The following GRM8 variants were observed in gnomAD, a reference collection of about 807,000 sequenced individuals.
The protein encoded by GRM8 is metabotropic glutamate receptor 8.
GRM8 carries 47 observed loss-of-function variants against 87.2 expected under a neutral mutation model. The observed-to-expected ratio is 0.54, with a 90% CI of 0.43 to 0.69. The LOEUF is 0.69. GRM8 is among the 30% of genes least tolerant of loss of function. The pLI is 0.00. For missense variants in GRM8, 1,019 were observed against 1,139.2 expected (o/e 0.89, Z 1.52); for synonymous variants, 396 against 404.5 (o/e 0.98, Z 0.25).
chr7:127,063,566 ACT>A (rs1339865678), intron 3 of GRM8, among the ~76,000 whole-genome samples: 1 of 152,004 alleles, frequency 6.6e-6, no homozygotes, highest in Non-Finnish European at 1.5e-5. Flanking sequence ...ACACAGTAAG[ACT>A]CTGTCTCAAA....
In GRM8 at chr7:127,232,899, G is replaced by A. The variant is rs754095194; in HGVS notation, c.510+9796C>T. ...GTTACCCAGGCTGGAGTGCAGTGGC[G>A]CGATCTTGGCTCACTGCAACCTCTG... On this transcript the variant is annotated intron_variant, in intron 2 of 10. Transcript: ENST00000339582. 9.9e-5 allele frequency among the ~76,000 whole-genome samples: 15 copies of A among 152,088 alleles called. No homozygotes were observed. The South Asian group carries it at 1.7e-3, about 17-fold the overall frequency.
chr7:127,066,808 C>T (rs1371063377), intron 3 of GRM8, among the ~76,000 whole-genome samples: 1 of 152,170 alleles, frequency 6.6e-6, no homozygotes, highest in East Asian at 1.9e-4. Context: ...CTACCCTTCC[C>T]AGCCTTTGCT....
At chr7:126,722,893 A>ATATATATATAT (rs949950055) in intron 7 of GRM8, among the ~76,000 whole-genome samples, 2 of 83,440 alleles carry the variant, frequency 2.4e-5, no homozygotes, top group African/African-American at 6.6e-5. Flanking sequence ...CCTGTGAAAA[A>ATATATATATAT]AAATATATAT....
At chr7:127,106,456 G>C in intron 3 of GRM8, 40 bp downstream of exon 3, 2 of 1,512,640 alleles carry the variant, frequency 1.3e-6, no homozygotes, top group Non-Finnish European at 1.8e-6. Context: ...TCAGCAATCT[G>C]TCACCTCCAA....
chr7:126,625,462 T>C (rs1031553968), intron 7 of GRM8, among the ~76,000 whole-genome samples: 4 of 152,080 alleles, frequency 2.6e-5, no homozygotes, highest in African/African-American at 9.7e-5. Context: ...AGAAATGTAG[T>C]TGAATAGCAT....
At chr7:126,687,797 T>C (rs1384892592) in intron 7 of GRM8, among the ~76,000 whole-genome samples, 1 of 151,918 alleles carries the variant, frequency 6.6e-6, no homozygotes, top group Admixed American at 6.6e-5. Context: ...TATAGACAGA[T>C]GTTGCTATCT....
chr7:126,547,494 T>C (rs901900459), intron 8 of GRM8, among the ~76,000 whole-genome samples: 1 of 151,864 alleles, frequency 6.6e-6, no homozygotes, highest in Non-Finnish European at 1.5e-5. Context: ...TTATTATTCA[T>C]AATAAATTAT....
chr7:126,470,947 A>T (rs376742314), intron 9 of GRM8, among the ~76,000 whole-genome samples: 35 of 151,714 alleles, frequency 2.3e-4, no homozygotes, highest in African/African-American at 7.5e-4. Context: ...GCCAGTGATG[A>T]TGAGCATTTT....
chr7:126,797,487 T>TTTACCATG (rs1420983782), intron 6 of GRM8, among the ~76,000 whole-genome samples: 2 of 152,102 alleles, frequency 1.3e-5, no homozygotes, highest in Non-Finnish European at 2.9e-5. Context: ...ATTTTGGATT[T>TTTACCATG]CTCTAAATAC....
At chr7:126,777,139 A>C (rs982428287) in intron 6 of GRM8, among the ~76,000 whole-genome samples, 3 of 152,116 alleles carry the variant, frequency 2.0e-5, no homozygotes, top group African/African-American at 4.8e-5. Flanking sequence ...GCCATTGAAC[A>C]AATCTGGTTC....
chr7:126,613,877 C>T (rs371508504), intron 7 of GRM8, among the ~76,000 whole-genome samples: 25 of 152,300 alleles, frequency 1.6e-4, no homozygotes, highest in African/African-American at 4.6e-4. Flanking sequence ...CAAAGCAGCC[C>T]GGATTCCCTC....
At chr7:126,447,808 A>C (rs976348678) in intron 9 of GRM8, among the ~76,000 whole-genome samples, 5 of 151,928 alleles carry the variant, frequency 3.3e-5, no homozygotes, top group African/African-American at 1.2e-4. Flanking sequence ...TACCATGCAC[A>C]CTGCTGAATT....
intron 6 of GRM8, among the ~76,000 whole-genome samples, chr7:126,831,513 G>GA (rs1054128510): frequency 6.6e-6 from 1 of 152,214 alleles, no homozygotes; most frequent in African/African-American, 2.4e-5. Context: ...CCATGTGTGG[G>GA]ATATAATCTC....
intron 6 of GRM8, among the ~76,000 whole-genome samples, chr7:126,901,328 G>A (rs1446550419): frequency 6.6e-6 from 1 of 152,050 alleles, no homozygotes; most frequent in Non-Finnish European, 1.5e-5. Context: ...CTAATACCCA[G>A]GTTAGTCTTT....
chr7:126,907,615 A>C (rs191664739), intron 3 of GRM8, among the ~76,000 whole-genome samples: 1 of 152,148 alleles, frequency 6.6e-6, no homozygotes, highest in Non-Finnish European at 1.5e-5. Flanking sequence ...GTGGCTCTGC[A>C]GGGCCTGTGG....
chr7:127,150,927 G>C (rs943200011), intron 2 of GRM8, among the ~76,000 whole-genome samples: 1 of 152,090 alleles, frequency 6.6e-6, no homozygotes, highest in African/African-American at 2.4e-5. Context: ...ATCATGGTGA[G>C]TCTATGAAAT....
intron 6 of GRM8, among the ~76,000 whole-genome samples, chr7:126,861,855 A>G (rs1798165151): frequency 6.6e-6 from 1 of 151,930 alleles, no homozygotes; most frequent in Non-Finnish European, 1.5e-5. Context: ...TAACACAATT[A>G]TCATTTTTTG....
At position 127,018,532 on chromosome 7, in the gene GRM8, C is replaced by T. The variant is rs116332888; in HGVS notation, c.727+87964G>A. On this transcript the variant is annotated intron_variant, in intron 3 of 10. Transcript: ENST00000339582. Reference sequence around the variant, plus strand: ...CAGGGTGGACACTGCTAACTTGTTACCCAATACACATTCACCAGTTCTACC... The same window carrying T: ...CAGGGTGGACACTGCTAACTTGTTATCCAATACACATTCACCAGTTCTACC... 8.9e-3 allele frequency among the ~76,000 whole-genome samples: 1,339 copies of T among 151,232 alleles called. 20 individuals carry two copies. The highest frequency in any genetic ancestry group is 0.03 in the African/African-American group (1,242 of 41,220).
At chr7:126,583,355 T>TCA (rs3038822) in intron 8 of GRM8, among the ~76,000 whole-genome samples, 45,845 of 151,208 alleles carry the variant, frequency 0.3, 7,488 homozygotes, top group East Asian at 0.44. Context: ...AAACTCTGTC[T>TCA]CACACACACA....
Sources: gnomAD v4.1 joint callset for allele counts (sites outside exome capture counted in the v4.1 genomes callset) on GRCh38, gnomAD v4.1.1 for gene constraint, MANE v1.5 for transcripts, NCBI Gene and HGNC (gene_info 2026-07-23, HGNC 2026-07-21) for gene names.